Variants in SLC41A2 observed in about 807,000 individuals in gnomAD.
SLC41A2 encodes the protein SLC41A1-like 1.
Under a neutral mutation model 58.3 loss-of-function variants are expected in SLC41A2, and 32 were observed. That is an observed-to-expected ratio of 0.55 (90% confidence interval 0.41 to 0.74). The LOEUF is 0.74. Among genes scored for constraint, SLC41A2 ranks in the 30% least tolerant of loss-of-function variants. SLC41A2 has a pLI of 0.00. For synonymous variants in SLC41A2, 190 were observed against 235.0 expected (o/e 0.81, Z 1.75); for missense variants, 514 against 680.6 (o/e 0.76, Z 2.72).
intron 10 of SLC41A2, among the ~76,000 whole-genome samples, chr12:104,812,623 C>T (rs2041223628): frequency 6.6e-6 from 1 of 151,946 alleles, no homozygotes; most frequent in Non-Finnish European, 1.5e-5. Flanking sequence ...AAAATGAGGG[C>T]TTGAACCGAG....
chr12:104,807,587 T>C (rs900821699), intron 10 of SLC41A2, among the ~76,000 whole-genome samples: 1 of 152,216 alleles, frequency 6.6e-6, no homozygotes, highest in Non-Finnish European at 1.5e-5. Flanking sequence ...AGTAGTTTTT[T>C]CCAATTCTGT....
chr12:104,808,140 G>T (rs1452216870), intron 10 of SLC41A2, among the ~76,000 whole-genome samples: 4 of 152,106 alleles, frequency 2.6e-5, no homozygotes, highest in Non-Finnish European at 1.5e-5. Context: ...TCCCTGTCTT[G>T]TGCCAGTTTT....
intron 2 of SLC41A2, among the ~76,000 whole-genome samples, chr12:104,914,760 C>T (rs1412891285): frequency 2.0e-5 from 3 of 152,204 alleles, no homozygotes; most frequent in Non-Finnish European, 4.4e-5. Flanking sequence ...CAAAATTATG[C>T]TTTACTTTCT....
chr12:104,844,893 T>C (rs1362884122), intron 9 of SLC41A2, among the ~76,000 whole-genome samples: 3 of 151,960 alleles, frequency 2.0e-5, no homozygotes, highest in African/African-American at 7.3e-5. Context: ...ACAGAGAAAA[T>C]ATAAAGTTCT....
rs55670022 is a variant in SLC41A2, at chr12:104,878,299, T to TTATATATA, written c.1027+7986_1027+7993dup. The stretch of plus-strand genomic sequence containing the variant: ...AATCTGCAAATAATATACCTGTATT[T>TTATATATA]TATATATATATATATATATATATAT... On this transcript the variant is annotated intron_variant, in intron 6 of 10. Coordinates refer to ENST00000258538, the MANE Select transcript of SLC41A2 (RefSeq NM_001352171.3). 6.4e-3 allele frequency among the ~76,000 whole-genome samples: 900 copies of TTATATATA among 139,844 alleles called. 33 individuals carry two copies. In the East Asian group the frequency reaches 0.089, roughly 14 times the overall value. 91.7% of individuals were successfully genotyped at this position (139,844 alleles called of 152,430 possible).
chr12:104,929,380 A>T (rs1189647131), intron 1 of SLC41A2, among the ~76,000 whole-genome samples: 1 of 152,234 alleles, frequency 6.6e-6, no homozygotes, highest in Non-Finnish European at 1.5e-5. Context: ...AATTACAAAT[A>T]TTCACTTAAA....
chr12:104,889,965 T>G (rs926019436), intron 4 of SLC41A2, among the ~76,000 whole-genome samples: 1 of 152,162 alleles, frequency 6.6e-6, no homozygotes, highest in African/African-American at 2.4e-5. Context: ...ATTAATAGGA[T>G]GTCAGAACTA....
In SLC41A2 at chr12:104,805,230, C is replaced by A. The variant is rs2040848279; in HGVS notation, c.1644G>T (p.Leu548=). Residue 548 remains leucine (L), a synonymous_variant, in exon 11 of 11, where the codon CTG becomes CTT. Coordinates refer to ENST00000258538, the MANE Select transcript of SLC41A2 (RefSeq NM_001352171.3). ...TTAAGGCTAACAGAGCTGTCCCGAG[C>A]AGATCACCCAATGCTGTTAGGTAGG... is the stretch of plus-strand genomic sequence containing the variant. ...SIPYLTALGD[L]LGTALLALSF... 1.2e-6 allele frequency: 2 copies of A among 1,613,826 alleles called. No individual in the cohort carries two copies. Among genetic ancestry groups the A allele is most frequent in the Admixed American group, 3.3e-5 (2 of 59,982 alleles).
chr12:104,830,645 G>A (rs1038749877), intron 10 of SLC41A2, among the ~76,000 whole-genome samples: 7 of 152,028 alleles, frequency 4.6e-5, no homozygotes, highest in African/African-American at 1.2e-4. Flanking sequence ...GAGGACCACC[G>A]AAAGGATTAA....
intron 10 of SLC41A2, among the ~76,000 whole-genome samples, chr12:104,825,541 T>C (rs1015198085): frequency 1.3e-5 from 2 of 152,226 alleles, no homozygotes; most frequent in Admixed American, 6.5e-5. Flanking sequence ...TTCTGTTTTT[T>C]CCTTTTCCAT....
At chr12:104,880,967 C>T (rs1272026605) in intron 6 of SLC41A2, among the ~76,000 whole-genome samples, 1 of 152,180 alleles carries the variant, frequency 6.6e-6, no homozygotes. Flanking sequence ...GGTTGGTAAG[C>T]TACTAATTAT....
intron 6 of SLC41A2, among the ~76,000 whole-genome samples, chr12:104,868,269 C>T (rs781249755): frequency 5.3e-5 from 8 of 151,964 alleles, no homozygotes; most frequent in Non-Finnish European, 8.8e-5. Flanking sequence ...TTTAATAGAA[C>T]GAAATAGAAA....
At chr12:104,884,694 G>A (rs1375800792) in intron 6 of SLC41A2, among the ~76,000 whole-genome samples, 1 of 152,098 alleles carries the variant, frequency 6.6e-6, no homozygotes, top group Admixed American at 6.6e-5. Context: ...TAATACTAGG[G>A]AAAGGGGCAC....
At chr12:104,933,536 C>A (rs2047147949) in intron 1 of SLC41A2, among the ~76,000 whole-genome samples, 1 of 152,028 alleles carries the variant, frequency 6.6e-6, no homozygotes, top group Non-Finnish European at 1.5e-5. Context: ...TGAGTATCTA[C>A]CCAAAGGAAA....
At chr12:104,920,790 G>T (rs2046560977) in intron 2 of SLC41A2, among the ~76,000 whole-genome samples, 1 of 151,992 alleles carries the variant, frequency 6.6e-6, no homozygotes, top group Non-Finnish European at 1.5e-5. Context: ...TAGGTGTGGT[G>T]GCGGGCACTT....
At position 104,929,535 on chromosome 12, in the gene SLC41A2, T is replaced by C. The variant is rs79822135; in HGVS notation, c.-167-841A>G. On this transcript the variant is annotated intron_variant, in intron 1 of 10. Coordinates refer to ENST00000258538, the MANE Select transcript of SLC41A2 (RefSeq NM_001352171.3). ...TGGCCACTCAGTGACTAGAGTCTCT[T>C]TGAAGACTTTGAACTAAGAGACACA... 8.3e-3 allele frequency among the ~76,000 whole-genome samples: 1,263 copies of C among 152,324 alleles called. 34 individuals are homozygous for C. In the East Asian group the frequency reaches 0.11, roughly 13 times the overall value.
At chr12:104,892,310 ATAAAATAAAATAAAAT>A (rs2045033433) in intron 4 of SLC41A2, among the ~76,000 whole-genome samples, 2 of 136,876 alleles carry the variant, frequency 1.5e-5, no homozygotes, top group African/African-American at 6.4e-5. Context: ...AAAAAATAAA[ATAAAATAAAATAAAAT>A]AAAATAAAAT....
At chr12:104,808,339 C>T (rs375133493) in intron 10 of SLC41A2, among the ~76,000 whole-genome samples, 1 of 151,992 alleles carries the variant, frequency 6.6e-6, no homozygotes, top group Non-Finnish European at 1.5e-5. Flanking sequence ...TGGTTTTTGT[C>T]GTTGGTTCTG....
At chr12:104,943,180 A>AG (rs1292206737) in intron 1 of SLC41A2, among the ~76,000 whole-genome samples, 1 of 152,216 alleles carries the variant, frequency 6.6e-6, no homozygotes, top group East Asian at 1.9e-4. Context: ...CTTCTTTTTA[A>AG]GAGAAGAGAA....
Sources: allele counts gnomAD v4.1 joint callset (sites outside exome capture counted in the v4.1 genomes callset), GRCh38; gene constraint gnomAD v4.1.1; transcripts MANE v1.5; gene names NCBI Gene and HGNC (gene_info 2026-07-23, HGNC 2026-07-21).